Variants in PRKAA2 observed in about 807,000 individuals in gnomAD.
PRKAA2 encodes 5'-AMP-activated protein kinase catalytic subunit alpha-2.
In PRKAA2, 40 loss-of-function variants were observed where a neutral mutation model predicts 56.3. That is an observed-to-expected ratio of 0.71 (90% CI 0.55 to 0.92). The LOEUF is 0.92. Among genes scored for constraint, PRKAA2 ranks in the 40% least tolerant of loss-of-function variants. The probability of loss-of-function intolerance (pLI) is 0.00; values close to 1 mark genes in which losing one functional copy is unlikely to be tolerated. For synonymous variants in PRKAA2, 214 were observed against 234.2 expected, an observed-to-expected ratio of 0.91 and a Z score of 0.79; for missense variants, 542 against 686.9, an observed-to-expected ratio of 0.79 and a Z score of 2.36.
chr1:56,670,429 G>A (rs1366507031), intron 1 of PRKAA2, among the ~76,000 whole-genome samples: 1 of 152,144 alleles, frequency 6.6e-6, no homozygotes, highest in Non-Finnish European at 1.5e-5. Flanking sequence ...CAAAATGGTG[G>A]CTTTGATAAT....
Position 56,696,171 on chromosome 1 carries a change from T to G in PRKAA2, c.788+12T>G. The G allele has an allele frequency of 6.3e-7, 1 of 1,594,246 alleles. No individual in the cohort carries two copies. Among genetic ancestry groups the G allele is most frequent in the Non-Finnish European group, 8.6e-7 (1 of 1,163,926 alleles). On this transcript the variant is annotated intron_variant, in intron 6 of 8. Transcript: ENST00000371244. The stretch of plus-strand genomic sequence containing the variant: ...ATCAAAGACATAAGGTGATTTTTCT[T>G]TTTGTTTCTGTTCTGCATATTTTCT...
chr1:56,671,209 G>C (rs1644073423), intron 1 of PRKAA2, among the ~76,000 whole-genome samples: 1 of 152,172 alleles, frequency 6.6e-6, no homozygotes, highest in Non-Finnish European at 1.5e-5. Flanking sequence ...GTGGAATGTG[G>C]TTAGGTTTGG....
At chr1:56,648,751 G>A (rs1416317514) in intron 1 of PRKAA2, among the ~76,000 whole-genome samples, 1 of 152,148 alleles carries the variant, frequency 6.6e-6, no homozygotes, top group Non-Finnish European at 1.5e-5. Context: ...AGCCATTCTA[G>A]TGGGTGCGAA....
intron 1 of PRKAA2, among the ~76,000 whole-genome samples, chr1:56,648,741 A>G (rs1646664103): frequency 6.6e-6 from 1 of 152,194 alleles, no homozygotes; most frequent in South Asian, 2.1e-4. Flanking sequence ...GATTTATTAT[A>G]GCCATTCTAG....
intron 2 of PRKAA2, among the ~76,000 whole-genome samples, chr1:56,677,112 A>T (rs996210091): frequency 1.3e-4 from 20 of 152,132 alleles, no homozygotes; most frequent in African/African-American, 4.3e-4. Context: ...CACCTTTCCT[A>T]TCCATTGTTT....
Position 56,655,819 on chromosome 1 carries a change from C to T in PRKAA2, c.94+10338C>T, listed in dbSNP as rs560361065. On this transcript the variant is annotated intron_variant, in intron 1 of 8. Coordinates refer to ENST00000371244, the MANE Select transcript of PRKAA2 (RefSeq NM_006252.4). ...GTTTTTGGCTGCAACCCTCTGAAGACGGATATCCTGCTTAGAATAAGCTTA... is the reference window on the plus strand; with the variant it reads ...GTTTTTGGCTGCAACCCTCTGAAGATGGATATCCTGCTTAGAATAAGCTTA... 2.4e-3 allele frequency among the ~76,000 whole-genome samples: 358 copies of T among 152,232 alleles called. 3 individuals are homozygous for T. The highest frequency in any genetic ancestry group is 0.01 in the Middle Eastern group (3 of 294).
At chr1:56,706,480 A>C (rs75914715) in intron 8 of PRKAA2, among the ~76,000 whole-genome samples, 2,066 of 152,340 alleles carry the variant, frequency 0.014, 49 homozygotes, top group African/African-American at 0.047. Flanking sequence ...GTAAGGAACA[A>C]CAGGGAAGCA....
rs907580993 is a variant in PRKAA2, at chr1:56,645,586, A to G, written c.94+105A>G. ...TCCGGCGGGCGCGGGGCTCGGCGGC[A>G]GGTGGAGCGGTCCCGGGTCGCGCGG... On this transcript the variant is annotated intron_variant, in intron 1 of 8. Coordinates refer to ENST00000371244, the MANE Select transcript of PRKAA2 (RefSeq NM_006252.4). The G allele has an allele frequency of 2.8e-5, 31 of 1,119,256 alleles. No homozygotes were observed. The African/African-American group carries it at 4.9e-4, about 18-fold the overall frequency. The allele number at this position is 1,119,256 out of a possible 1,614,324, so 69.3% of individuals were successfully genotyped here. A position where few individuals can be genotyped will look rare whatever the true frequency, so the allele number is the denominator to read the frequency against.
intron 2 of PRKAA2, among the ~76,000 whole-genome samples, chr1:56,681,846 T>C (rs1188308365): frequency 6.6e-6 from 1 of 152,202 alleles, no homozygotes; most frequent in Non-Finnish European, 1.5e-5. Context: ...TGGGCTCTTT[T>C]TTGGTTCCAT....
rs539370708 is a variant in PRKAA2, at chr1:56,713,823, A to G, written c.*6110A>G. The G allele has an allele frequency of 4.8e-4, 71 of 149,352 alleles. No individual in the cohort carries two copies. The highest frequency in any genetic ancestry group is 1.7e-3 in the African/African-American group (67 of 40,060). The allele number at this position is 149,352 out of a possible 1,614,324, so 9.3% of individuals were successfully genotyped here. On this transcript the variant is annotated 3_prime_UTR_variant, in exon 9 of 9. Coordinates refer to ENST00000371244, the MANE Select transcript of PRKAA2 (RefSeq NM_006252.4). ...TTTTCTAGACAGATAACATTTTCCTAAAGTGGAAGAGAGATCCACTGTTCT... is the reference window on the plus strand; with the variant it reads ...TTTTCTAGACAGATAACATTTTCCTGAAGTGGAAGAGAGATCCACTGTTCT...
chr1:56,662,390 A>T (rs1392527063), intron 1 of PRKAA2, among the ~76,000 whole-genome samples: 2 of 152,168 alleles, frequency 1.3e-5, no homozygotes, highest in East Asian at 3.9e-4. Flanking sequence ...AAAATAAAAA[A>T]TATAAACATT....
Position 56,692,495 on chromosome 1 carries a change from C to T in PRKAA2, c.468C>T (p.Ala156=), listed in dbSNP as rs200827722. The T allele has an allele frequency of 9.9e-6, 16 of 1,613,560 alleles. No individual in the cohort carries two copies. Among genetic ancestry groups the T allele is most frequent in the African/African-American group, 8.0e-5 (6 of 74,826 alleles). The change falls in exon 4 of 9, where the codon GCC becomes GCT. Residue 156 remains alanine, a synonymous_variant. Transcript: ENST00000371244. Reference sequence around the variant, plus strand: ...ATGCACACATGAATGCCAAGATAGCCGATTTCGGTATGTAACTCCAGGGTT... The same window carrying T: ...ATGCACACATGAATGCCAAGATAGCTGATTTCGGTATGTAACTCCAGGGTT... ...LLDAHMNAKI[A]DFGLSNMMSD...
At position 56,683,338 on chromosome 1, in the gene PRKAA2, C is replaced by T. The variant is rs1050567875; in HGVS notation, c.237-8056C>T. 2.6e-5 allele frequency among the ~76,000 whole-genome samples: 4 copies of T among 151,988 alleles called. No individual in the cohort carries two copies. In the South Asian group the frequency reaches 6.2e-4, roughly 24 times the overall value. ...AGGTATTCAATAATTACTTGTAGCT[C>T]CATAATGACATTTGAACAAGGTCCT... On this transcript the variant is annotated intron_variant, in intron 2 of 8. Transcript: ENST00000371244.
Position 56,708,928 on chromosome 1 carries a change from AC to A in PRKAA2, c.*1217del, listed in dbSNP as rs1222982330. ...CACACACCAGTGCTTTTAAGCAAAA[AC>A]CAGTTTTTTTGTTTGTTTGTTTTGC... On this transcript the variant is annotated 3_prime_UTR_variant, in exon 9 of 9. Coordinates refer to ENST00000371244, the MANE Select transcript of PRKAA2 (RefSeq NM_006252.4). 1 of 151,948 alleles carries A rather than the reference AC, an allele frequency of 6.6e-6. No individual in the cohort carries two copies. 9.4% of individuals were successfully genotyped at this position (151,948 alleles called of 1,614,324 possible).
At chr1:56,671,018 G>A (rs1218409954) in intron 1 of PRKAA2, among the ~76,000 whole-genome samples, 1 of 152,148 alleles carries the variant, frequency 6.6e-6, no homozygotes, top group Non-Finnish European at 1.5e-5. Flanking sequence ...CTCGGCAAAT[G>A]TTTTGAGATT....
chr1:56,678,735 GC>G (rs1644132206), intron 2 of PRKAA2, among the ~76,000 whole-genome samples: 1 of 139,138 alleles, frequency 7.2e-6, no homozygotes, highest in Non-Finnish European at 1.5e-5. Flanking sequence ...TCGCTCTGTT[GC>G]CCAGGCTGGA....
At chr1:56,657,354 T>C (rs546121619) in intron 1 of PRKAA2, among the ~76,000 whole-genome samples, 1 of 152,302 alleles carries the variant, frequency 6.6e-6, no homozygotes, top group South Asian at 2.1e-4. Context: ...TGCCAGCTTA[T>C]AATTTTATGC....
intron 2 of PRKAA2, among the ~76,000 whole-genome samples, chr1:56,688,189 A>T (rs1234098932): frequency 6.6e-6 from 1 of 152,048 alleles, no homozygotes; most frequent in Non-Finnish European, 1.5e-5. Context: ...TTCCTTCTGA[A>T]ATTTGTTTCC....
chr1:56,690,869 C>A lies in PRKAA2; in HGVS notation c.237-525C>A, dbSNP rs557071801. On this transcript the variant is annotated intron_variant, in intron 2 of 8. Transcript: ENST00000371244. ...ACATGAAGCCTATGCTTTTCAAAATCGGTTCCATAAAATCATGTTGAAGAT... is the reference window on the plus strand; with the variant it reads ...ACATGAAGCCTATGCTTTTCAAAATAGGTTCCATAAAATCATGTTGAAGAT... Among the ~76,000 whole-genome samples, 90 of 152,260 alleles carry A rather than the reference C, an allele frequency of 5.9e-4. 1 individual carries two copies. Among genetic ancestry groups the A allele is most frequent in the African/African-American group, 2.0e-3 (85 of 41,552 alleles).
Sources: gnomAD v4.1 joint callset for allele counts (sites outside exome capture counted in the v4.1 genomes callset) on GRCh38, gnomAD v4.1.1 for gene constraint, MANE v1.5 for transcripts, NCBI Gene and HGNC (gene_info 2026-07-23, HGNC 2026-07-21) for gene names.